Variants in CACNB2 observed in about 807,000 individuals in gnomAD.
CACNB2 encodes the protein voltage-dependent L-type calcium channel subunit beta-2.
In CACNB2, 42 loss-of-function variants were observed where a neutral mutation model predicts 73.3. The observed-to-expected ratio is 0.57, with a 90% CI of 0.45 to 0.74. CACNB2 has a LOEUF of 0.74. CACNB2 is among the 30% of genes least tolerant of loss of function. The probability of loss-of-function intolerance (pLI) is 0.00; values close to 1 mark genes in which losing one functional copy is unlikely to be tolerated. For missense variants in CACNB2, 940 were observed against 853.0 expected (o/e 1.10, Z -1.27); for synonymous variants, 348 against 310.3 (o/e 1.12, Z -1.28).
intron 2 of CACNB2, among the ~76,000 whole-genome samples, chr10:18,272,886 T>C (rs188837643): frequency 3.0e-4 from 46 of 152,274 alleles, no homozygotes; most frequent in African/African-American, 1.1e-3. Flanking sequence ...AGTGTGTACT[T>C]TGGGTCACTA....
Position 18,264,199 on chromosome 10 carries a change from A to G in CACNB2, c.213+113224A>G, listed in dbSNP as rs1405870173. 2.0e-5 allele frequency among the ~76,000 whole-genome samples: 3 copies of G among 152,196 alleles called. No homozygotes were observed. The East Asian group carries it at 5.8e-4, about 29-fold the overall frequency. ...AAAATGTTTTAATTTTTGTGGGTAC[A>G]TAATAGGTGTATATATTTATGGGGT... On this transcript the variant is annotated intron_variant, in intron 2 of 13. Transcript: ENST00000324631.
At chr10:18,240,357 G>T (rs1172549437) in intron 2 of CACNB2, among the ~76,000 whole-genome samples, 1 of 152,138 alleles carries the variant, frequency 6.6e-6, no homozygotes, top group Admixed American at 6.5e-5. Context: ...AAAGTCTCAT[G>T]CAGGTTGTGG....
At chr10:18,311,655 A>G (rs945413611) in intron 2 of CACNB2, among the ~76,000 whole-genome samples, 5 of 152,368 alleles carry the variant, frequency 3.3e-5, no homozygotes, top group African/African-American at 2.4e-5. Context: ...GAAGTAGATC[A>G]TCATAAAGTT....
chr10:18,419,168 G>A (rs904934225), intron 3 of CACNB2, among the ~76,000 whole-genome samples: 2 of 152,200 alleles, frequency 1.3e-5, no homozygotes, highest in African/African-American at 4.8e-5. Context: ...TAGATGGGAA[G>A]AACTACTTGC....
rs1307014974 is a variant in CACNB2 at position 18,397,707 on chromosome 10, C to T, written c.214-4217C>T. ...TCCAGCCTGGGCAGCAGAGCAAAAG[C>T]GAGACTCCGTCTCAAAAAAAAAAAA... On this transcript the variant is annotated intron_variant, in intron 2 of 13. Coordinates refer to ENST00000324631, the MANE Select transcript of CACNB2 (RefSeq NM_201596.3). Among the ~76,000 whole-genome samples the T allele has an allele frequency of 2.7e-4, 26 of 97,710 alleles. No individual in the cohort carries two copies. In the East Asian group the frequency reaches 4.8e-3, roughly 18 times the overall value. 64.1% of individuals were successfully genotyped at this position (97,710 alleles called of 152,430 possible).
chr10:18,197,077 T>G (rs2034658919), intron 2 of CACNB2, among the ~76,000 whole-genome samples: 1 of 152,076 alleles, frequency 6.6e-6, no homozygotes, highest in Non-Finnish European at 1.5e-5. Context: ...GGAACCTCAT[T>G]ATGCCTCTTA....
chr10:18,295,798 A>G (rs554910918), intron 2 of CACNB2, among the ~76,000 whole-genome samples: 2 of 152,146 alleles, frequency 1.3e-5, no homozygotes, highest in Non-Finnish European at 2.9e-5. Context: ...ATAAAAGTAG[A>G]TGTTACTAGA....
At chr10:18,439,456 G>T (rs1314104499) in intron 3 of CACNB2, among the ~76,000 whole-genome samples, 1 of 152,168 alleles carries the variant, frequency 6.6e-6, no homozygotes, top group East Asian at 1.9e-4. Flanking sequence ...TAGATTCTCA[G>T]CCACCTTCAG....
At chr10:18,474,232 C>T (rs766418568) in intron 3 of CACNB2, among the ~76,000 whole-genome samples, 8 of 152,036 alleles carry the variant, frequency 5.3e-5, no homozygotes, top group Non-Finnish European at 7.4e-5. Flanking sequence ...TGAAAGGCAC[C>T]CTGCAGACTT....
At chr10:18,464,416 ATT>A (rs1564578819) in intron 3 of CACNB2, among the ~76,000 whole-genome samples, 1 of 121,330 alleles carries the variant, frequency 8.2e-6, no homozygotes, top group Admixed American at 8.7e-5. Flanking sequence ...TGTCTCAAAA[ATT>A]AAAAAAAAAA....
In CACNB2 at chr10:18,401,951, C is replaced by G; in HGVS notation, c.241C>G (p.Pro81Ala). The G allele has an allele frequency of 6.2e-7, 1 of 1,614,014 alleles. No individual in the cohort carries two copies. Among genetic ancestry groups the G allele is most frequent in the Non-Finnish European group, 8.5e-7 (1 of 1,179,884 alleles). ...QGSADSYTSR[P>A]SDSDVSLEED... Reference sequence around the variant, plus strand: ...TTCGGCAGACTCCTACACTAGCCGTCCATCCGATTCCGATGTATCTCTGGA... The same window carrying G: ...TTCGGCAGACTCCTACACTAGCCGTGCATCCGATTCCGATGTATCTCTGGA... Residue 81 changes from proline (P) to alanine (A), a missense_variant, in exon 3 of 14, where the codon CCA becomes GCA. Coordinates refer to ENST00000324631, the MANE Select transcript of CACNB2 (RefSeq NM_201596.3).
intron 3 of CACNB2, among the ~76,000 whole-genome samples, chr10:18,495,351 C>A (rs1400041520): frequency 6.6e-6 from 1 of 151,720 alleles, no homozygotes; most frequent in Non-Finnish European, 1.5e-5. Flanking sequence ...TCCTGAGTAG[C>A]TGGGATTACA....
intron 2 of CACNB2, among the ~76,000 whole-genome samples, chr10:18,353,963 C>T (rs989879614): frequency 4.6e-5 from 7 of 152,168 alleles, no homozygotes; most frequent in African/African-American, 1.7e-4. Context: ...TTTGAAAAAG[C>T]TTGGCACTCA....
At chr10:18,514,135 G>GA in intron 6 of CACNB2, 101 bp from the exon 7 acceptor site, 1 of 1,304,774 alleles carries the variant, frequency 7.7e-7, no homozygotes, top group Non-Finnish European at 1.1e-6. Context: ...ACTCATGATA[G>GA]TTTTTTTTAC....
chr10:18,213,310 C>A (rs979430218), intron 2 of CACNB2, among the ~76,000 whole-genome samples: 1 of 152,104 alleles, frequency 6.6e-6, no homozygotes, highest in Admixed American at 6.5e-5. Flanking sequence ...AAGCTCAGGA[C>A]GTGGAACCGG....
At chr10:18,374,926 A>G (rs2132318807) in intron 2 of CACNB2, among the ~76,000 whole-genome samples, 1 of 152,266 alleles carries the variant, frequency 6.6e-6, no homozygotes, top group Admixed American at 6.5e-5. Context: ...ACTACCCCCT[A>G]AAGACAGGGT....
chr10:18,144,111 C>G (rs2030716167), intron 1 of CACNB2, among the ~76,000 whole-genome samples: 1 of 152,118 alleles, frequency 6.6e-6, no homozygotes, highest in Non-Finnish European at 1.5e-5. Context: ...GGAGTCTCAC[C>G]CTGTCACCCA....
chr10:18,146,306 ATTTTTTT>A (rs10714038), intron 1 of CACNB2, among the ~76,000 whole-genome samples: 2 of 118,938 alleles, frequency 1.7e-5, no homozygotes, highest in South Asian at 2.7e-4. Context: ...ATGGAGACTA[ATTTTTTT>A]TTTTTTTTTT....
chr10:18,325,692 T>TCCC (rs751582987), intron 2 of CACNB2, among the ~76,000 whole-genome samples: 9,860 of 109,074 alleles, frequency 0.09, 650 homozygotes, highest in Non-Finnish European at 0.13. Context: ...CCTCCCTCCC[T>TCCC]TCCTTCCTTC....
Sources: allele counts gnomAD v4.1 joint callset (sites outside exome capture counted in the v4.1 genomes callset), GRCh38; gene constraint gnomAD v4.1.1; transcripts MANE v1.5; gene names NCBI Gene and HGNC (gene_info 2026-07-23, HGNC 2026-07-21).